Variants in ZNF423 observed in about 807,000 individuals in gnomAD.
ZNF423 encodes the protein Ebf-associated zinc finger protein.
In ZNF423, 12 loss-of-function variants were observed where a neutral mutation model predicts 95.8. The observed-to-expected ratio is 0.13, with a 90% CI of 0.08 to 0.20. The LOEUF (loss-of-function observed/expected upper bound fraction) is 0.20, where lower values mean the gene tolerates loss of function less well. Among genes scored for constraint, ZNF423 ranks in the 10% least tolerant of loss-of-function variants. The pLI is 1.00. For missense variants in ZNF423, 1,316 were observed against 1,737.1 expected, an observed-to-expected ratio of 0.76 and a Z score of 4.31; for synonymous variants, 749 against 711.9, an observed-to-expected ratio of 1.05 and a Z score of -0.83.
chr16:49,589,912 C>A (rs1320355037), intron 5 of ZNF423, among the ~76,000 whole-genome samples: 1 of 151,824 alleles, frequency 6.6e-6, no homozygotes, highest in Non-Finnish European at 1.5e-5. Context: ...CCATTAGCGG[C>A]CTGGCGCAAA....
At chr16:49,684,851 A>T (rs2151940756) in intron 3 of ZNF423, among the ~76,000 whole-genome samples, 1 of 152,292 alleles carries the variant, frequency 6.6e-6, no homozygotes, top group East Asian at 1.9e-4. Flanking sequence ...GGGCCCTGAC[A>T]CGCGGCCAGC....
intron 3 of ZNF423, among the ~76,000 whole-genome samples, chr16:49,659,084 G>C: frequency 6.6e-6 from 1 of 152,086 alleles, no homozygotes; most frequent in East Asian, 1.9e-4. Context: ...TTTTAGCGGG[G>C]GGTGGTTTGG....
At chr16:49,561,462 C>A (rs1310049734) in intron 5 of ZNF423, among the ~76,000 whole-genome samples, 2 of 152,128 alleles carry the variant, frequency 1.3e-5, no homozygotes, top group Non-Finnish European at 2.9e-5. Context: ...TACTTTTAAC[C>A]TTTGTATACT....
At chr16:49,565,881 A>G (rs1462885406) in intron 5 of ZNF423, among the ~76,000 whole-genome samples, 1 of 146,696 alleles carries the variant, frequency 6.8e-6, no homozygotes, top group Non-Finnish European at 1.5e-5. Flanking sequence ...GAGAATGGAG[A>G]GGAGAGGGGG....
intron 3 of ZNF423, among the ~76,000 whole-genome samples, chr16:49,648,842 C>T (rs1290222777): frequency 2.0e-5 from 3 of 152,170 alleles, no homozygotes; most frequent in East Asian, 1.9e-4. Context: ...CACAGATCTC[C>T]TAGATCAAAT....
intron 2 of ZNF423, among the ~76,000 whole-genome samples, chr16:49,743,084 G>T (rs983455169): frequency 1.3e-5 from 2 of 151,990 alleles, no homozygotes; most frequent in African/African-American, 4.8e-5. Flanking sequence ...CTGTGCCAGG[G>T]GCAGGCCTGA....
chr16:49,534,945 C>G (rs1969002338), intron 5 of ZNF423, among the ~76,000 whole-genome samples: 2 of 152,214 alleles, frequency 1.3e-5, no homozygotes, highest in Admixed American at 6.5e-5. Context: ...TTTGCCTCCC[C>G]TCTGATGCTC....
intron 3 of ZNF423, among the ~76,000 whole-genome samples, chr16:49,683,945 C>T (rs1207384319): frequency 6.6e-6 from 1 of 152,182 alleles, no homozygotes; most frequent in Non-Finnish European, 1.5e-5. Context: ...GTGGCGTGCA[C>T]CTGTAGTCCC....
intron 1 of ZNF423, among the ~76,000 whole-genome samples, chr16:49,833,160 G>A (rs1436627322): frequency 1.3e-5 from 2 of 152,190 alleles, no homozygotes; most frequent in Non-Finnish European, 2.9e-5. Flanking sequence ...GCTTGGGGAG[G>A]TTTATCCGCT....
At chr16:49,502,734 G>A (rs918463038) in intron 7 of ZNF423, among the ~76,000 whole-genome samples, 14 of 151,726 alleles carry the variant, frequency 9.2e-5, no homozygotes, top group African/African-American at 1.9e-4. Context: ...CCAAGGCAGC[G>A]TTCCTATTAC....
At chr16:49,631,180 C>T (rs139643969) in intron 4 of ZNF423, among the ~76,000 whole-genome samples, 293 of 152,278 alleles carry the variant, frequency 1.9e-3, no homozygotes, top group Non-Finnish European at 3.5e-3. Flanking sequence ...GTACACACAC[C>T]GGTACTCCCA....
intron 5 of ZNF423, among the ~76,000 whole-genome samples, chr16:49,622,369 A>G (rs1328047719): frequency 1.3e-5 from 1 of 79,904 alleles, no homozygotes; most frequent in East Asian, 3.0e-4. Flanking sequence ...CTCACTCCCC[A>G]CAATGCCTCA....
intron 2 of ZNF423, among the ~76,000 whole-genome samples, chr16:49,787,934 A>G (rs544429665): frequency 6.6e-6 from 1 of 152,258 alleles, no homozygotes; most frequent in East Asian, 1.9e-4. Context: ...GTCTCTCAGG[A>G]GGACTACATG....
intron 1 of ZNF423, among the ~76,000 whole-genome samples, chr16:49,839,093 A>C (rs1597054526): frequency 5.4e-5 from 1 of 18,520 alleles, no homozygotes; most frequent in African/African-American, 2.1e-4. Flanking sequence ...CTGCCACCCC[A>C]CCCTGGATTT....
At chr16:49,562,360 T>C (rs1230968965) in intron 5 of ZNF423, among the ~76,000 whole-genome samples, 1 of 152,198 alleles carries the variant, frequency 6.6e-6, no homozygotes, top group Non-Finnish European at 1.5e-5. Flanking sequence ...ATCTGTAAAA[T>C]GGAGGCAAAA....
At chr16:49,704,839 C>A (rs1253194008) in intron 3 of ZNF423, among the ~76,000 whole-genome samples, 1 of 152,170 alleles carries the variant, frequency 6.6e-6, no homozygotes, top group Non-Finnish European at 1.5e-5. Context: ...ATGAAAACTT[C>A]CCAGCTCCAA....
At chr16:49,679,821 C>T (rs114027241) in intron 3 of ZNF423, among the ~76,000 whole-genome samples, 4,089 of 152,340 alleles carry the variant, frequency 0.027, 177 homozygotes, top group African/African-American at 0.093. Context: ...GGTGGAGTCC[C>T]AGCCCAGAGT....
Position 49,531,983 on chromosome 16 carries a change from G to A in ZNF423, c.3602-6489C>T, listed in dbSNP as rs765747599. Among the ~76,000 whole-genome samples, 40 of 152,192 alleles carry A rather than the reference G, an allele frequency of 2.6e-4. 1 individual carries two copies. Among genetic ancestry groups the A allele is most frequent in the Admixed American group, 8.5e-4 (13 of 15,274 alleles). ...TTAACGCTTGAGAACCACTGAGCGCGATACAAGGGGCTTAGGGACGCTGAT... is the reference window on the plus strand; with the variant it reads ...TTAACGCTTGAGAACCACTGAGCGCAATACAAGGGGCTTAGGGACGCTGAT... On this transcript the variant is annotated intron_variant, in intron 5 of 7. Coordinates refer to ENST00000563137, the MANE Select transcript of ZNF423 (RefSeq NM_001379286.1).
chr16:49,716,560 C>T (rs926171239), intron 3 of ZNF423, among the ~76,000 whole-genome samples: 4 of 152,194 alleles, frequency 2.6e-5, no homozygotes, highest in African/African-American at 4.8e-5. Flanking sequence ...ATTTTATAAT[C>T]CCCTGTACAT....
Sources: gnomAD v4.1 joint callset for allele counts (sites outside exome capture counted in the v4.1 genomes callset) on GRCh38, gnomAD v4.1.1 for gene constraint, MANE v1.5 for transcripts, NCBI Gene and HGNC (gene_info 2026-07-23, HGNC 2026-07-21) for gene names.